Variants in ASTN2 observed in about 807,000 individuals in gnomAD.
ASTN2 encodes the protein astrotactin 2.
In ASTN2, 54 loss-of-function variants were observed where a neutral mutation model predicts 139.8. The observed-to-expected ratio is 0.39, with a 90% CI of 0.31 to 0.48. The LOEUF is 0.48. ASTN2 is among the 20% of genes least tolerant of loss of function. ASTN2 has a pLI of 0.95. For synonymous variants in ASTN2, 756 were observed against 719.5 expected, an observed-to-expected ratio of 1.05 and a Z score of -0.81; for missense variants, 1,565 against 1,725.1, an observed-to-expected ratio of 0.91 and a Z score of 1.64.
intron 1 of ASTN2, among the ~76,000 whole-genome samples, chr9:117,401,265 G>A (rs1830819608): frequency 6.6e-6 from 1 of 152,160 alleles, no homozygotes; most frequent in South Asian, 2.1e-4. Context: ...AGCTGAGGGA[G>A]CAAAATGATG....
intron 13 of ASTN2, among the ~76,000 whole-genome samples, chr9:116,779,867 T>C (rs1429586992): frequency 5.9e-5 from 9 of 152,308 alleles, no homozygotes; most frequent in African/African-American, 2.2e-4. Flanking sequence ...TCTCAGCCTT[T>C]CCTTCAACTA....
chr9:117,099,107 C>CAAAAAAA (rs34900374), intron 4 of ASTN2, among the ~76,000 whole-genome samples: 1 of 116,904 alleles, frequency 8.6e-6, no homozygotes, highest in African/African-American at 3.2e-5. Flanking sequence ...ACTCCGTCTC[C>CAAAAAAA]AAAAAAAAAA....
intron 1 of ASTN2, among the ~76,000 whole-genome samples, chr9:117,365,573 A>G (rs1191776288): frequency 6.6e-6 from 1 of 152,064 alleles, no homozygotes; most frequent in Non-Finnish European, 1.5e-5. Flanking sequence ...TTGACAGGTA[A>G]ATGCTCTGGT....
rs71379248 is a variant in ASTN2 at position 116,999,548 on chromosome 9, C to CTTTTTT, written c.1591+8538_1591+8543dup. ...TTCCTCTTTCTTTCTTTCTCTCTTT[C>CTTTTTT]TTTTTTTTTTTTTTTTTTTTTTTTT... On this transcript the variant is annotated intron_variant, in intron 7 of 22. Transcript: ENST00000313400. Among the ~76,000 whole-genome samples, 323 of 94,904 alleles carry CTTTTTT rather than the reference C, an allele frequency of 3.4e-3. 5 individuals carry two copies. The highest frequency in any genetic ancestry group is 4.7e-3 in the African/African-American group (95 of 20,360). The allele number at this position is 94,904 out of a possible 152,430, so 62.3% of individuals were successfully genotyped here. A position where few individuals can be genotyped will look rare whatever the true frequency, so the allele number is the denominator to read the frequency against.
intron 19 of ASTN2, among the ~76,000 whole-genome samples, chr9:116,508,254 C>T (rs1850197915): frequency 6.6e-6 from 1 of 152,206 alleles, no homozygotes; most frequent in Admixed American, 6.5e-5. Flanking sequence ...ACAGGGTCTT[C>T]AGAAAGCTGT....
chr9:116,676,639 T>C (rs1362333258), intron 16 of ASTN2, among the ~76,000 whole-genome samples: 1 of 152,258 alleles, frequency 6.6e-6, no homozygotes, highest in Non-Finnish European at 1.5e-5. Context: ...TAAAAATTTT[T>C]TTTGAGCAGT....
intron 1 of ASTN2, among the ~76,000 whole-genome samples, chr9:117,386,937 G>T (rs149832338): frequency 1.0e-3 from 156 of 152,304 alleles, no homozygotes; most frequent in African/African-American, 3.7e-3. Context: ...ATGCAAGAAT[G>T]GGAGAAGCAG....
At chr9:117,191,202 G>A (rs1831338223) in intron 3 of ASTN2, among the ~76,000 whole-genome samples, 1 of 133,828 alleles carries the variant, frequency 7.5e-6, no homozygotes, top group South Asian at 2.5e-4. Flanking sequence ...ACTAAAAATG[G>A]TTGTTGATGT....
intron 5 of ASTN2, among the ~76,000 whole-genome samples, chr9:117,068,942 A>G: frequency 1.0e-5 from 1 of 99,756 alleles, no homozygotes. Context: ...AATTTTGTTG[A>G]TCCTTTCAAA....
At chr9:117,351,674 A>G (rs1414340235) in intron 1 of ASTN2, among the ~76,000 whole-genome samples, 1 of 152,178 alleles carries the variant, frequency 6.6e-6, no homozygotes, top group Non-Finnish European at 1.5e-5. Flanking sequence ...ATGAGTTATG[A>G]GGTGGAATCT....
At chr9:117,210,981 C>CAAAAA (rs57888812) in intron 3 of ASTN2, among the ~76,000 whole-genome samples, 1 of 137,030 alleles carries the variant, frequency 7.3e-6, no homozygotes, top group African/African-American at 2.7e-5. Context: ...CATCTCAAAG[C>CAAAAA]AAAAAAAAAA....
chr9:116,772,988 G>C (rs185216199), intron 13 of ASTN2, among the ~76,000 whole-genome samples: 1 of 152,058 alleles, frequency 6.6e-6, no homozygotes, highest in Admixed American at 6.5e-5. Context: ...AGATGGAAGA[G>C]AAAAAGAAAT....
intron 4 of ASTN2, among the ~76,000 whole-genome samples, chr9:117,128,889 C>T (rs1394643892): frequency 4.6e-5 from 7 of 152,184 alleles, no homozygotes; most frequent in African/African-American, 1.2e-4. Flanking sequence ...GATGCAAAAG[C>T]GGAAACCCCT....
intron 1 of ASTN2, among the ~76,000 whole-genome samples, chr9:117,385,967 G>T (rs1230956325): frequency 6.6e-6 from 1 of 152,112 alleles, no homozygotes; most frequent in Non-Finnish European, 1.5e-5. Context: ...AATGGTGGGG[G>T]ATGATAATAG....
intron 10 of ASTN2, among the ~76,000 whole-genome samples, chr9:116,888,953 G>C (rs1833689631): frequency 6.6e-6 from 1 of 152,150 alleles, no homozygotes; most frequent in Non-Finnish European, 1.5e-5. Context: ...GAGGTGTTTG[G>C]TTTTCTGTTC....
At chr9:117,231,532 C>A (rs139934405) in intron 2 of ASTN2, among the ~76,000 whole-genome samples, 2 of 152,114 alleles carry the variant, frequency 1.3e-5, no homozygotes, top group South Asian at 2.1e-4. Context: ...ACAAAATAAT[C>A]GATACATTGG....
rs148724828 is a variant in ASTN2, at chr9:116,933,979, C to CTTTTTTTTTTTTTTTTTTTTTTTTTT, written c.1889+41228_1889+41229insAAAAAAAAAAAAAAAAAAAAAAAAAA. On this transcript the variant is annotated intron_variant, in intron 10 of 22. Transcript: ENST00000313400. ...ACCTCAGTTGTGCGAAGTGTTAGTC[C>CTTTTTTTTTTTTTTTTTTTTTTTTTT]TTTTTTTTTTTTTTTTTTTTTTTCT... 2.3e-3 allele frequency among the ~76,000 whole-genome samples: 202 copies of CTTTTTTTTTTTTTTTTTTTTTTTTTT among 86,864 alleles called. 42 individuals are homozygous for CTTTTTTTTTTTTTTTTTTTTTTTTTT. The highest frequency in any genetic ancestry group is 6.0e-3 in the East Asian group (10 of 1,664). 57.0% of individuals were successfully genotyped at this position (86,864 alleles called of 152,430 possible).
chr9:117,122,588 TG>T (rs1263242584), intron 4 of ASTN2, among the ~76,000 whole-genome samples: 1 of 152,136 alleles, frequency 6.6e-6, no homozygotes, highest in African/African-American at 2.4e-5. Context: ...ATTGACTTTG[TG>T]GGGAAAGAGA....
At chr9:116,813,741 ATATT>A (rs1386593858) in intron 12 of ASTN2, among the ~76,000 whole-genome samples, 3 of 152,212 alleles carry the variant, frequency 2.0e-5, no homozygotes, top group Admixed American at 6.5e-5. Flanking sequence ...ATCCTTAAAA[ATATT>A]AAGAATAGGC....
Sources: allele counts gnomAD v4.1 joint callset (sites outside exome capture counted in the v4.1 genomes callset), GRCh38; gene constraint gnomAD v4.1.1; transcripts MANE v1.5; gene names NCBI Gene and HGNC (gene_info 2026-07-23, HGNC 2026-07-21).